Variants in ZNF521 observed in about 807,000 individuals in gnomAD.
ZNF521 encodes zinc finger protein 521.
ZNF521 carries 14 observed loss-of-function variants against 105.5 expected under a neutral mutation model. That is an observed-to-expected ratio of 0.13 (90% confidence interval 0.09 to 0.21). The LOEUF is 0.21. Among genes scored for constraint, ZNF521 ranks in the 10% least tolerant of loss-of-function variants. The pLI, the probability that ZNF521 is intolerant of heterozygous loss-of-function variation, is 1.00. For synonymous variants in ZNF521, 635 were observed against 606.0 expected, an observed-to-expected ratio of 1.05 and a Z score of -0.70; for missense variants, 1,233 against 1,629.7, an observed-to-expected ratio of 0.76 and a Z score of 4.19.
At chr18:25,272,281 T>C (rs762399332) in intron 3 of ZNF521, among the ~76,000 whole-genome samples, 7 of 152,270 alleles carry the variant, frequency 4.6e-5, no homozygotes, top group African/African-American at 1.2e-4. Context: ...GGAGAGGATG[T>C]AGAGAAATAG....
Position 25,073,209 on chromosome 18 carries a change from T to C in ZNF521, c.3907-10468A>G, listed in dbSNP as rs573138377. On this transcript the variant is annotated intron_variant, in intron 7 of 7. Coordinates refer to ENST00000361524, the MANE Select transcript of ZNF521 (RefSeq NM_015461.3). ...AACTTCTGCTAAATATTTAACAGCCTTGTGTACCAATTAGCAGCAAATAAT... is the reference window on the plus strand; with the variant it reads ...AACTTCTGCTAAATATTTAACAGCCCTGTGTACCAATTAGCAGCAAATAAT... Among the ~76,000 whole-genome samples, 190 of 152,202 alleles carry C rather than the reference T, an allele frequency of 1.2e-3. 1 individual carries two copies. The highest frequency in any genetic ancestry group is 6.9e-3 in the South Asian group (33 of 4,796).
At chr18:25,266,543 A>G (rs2144918264) in intron 3 of ZNF521, among the ~76,000 whole-genome samples, 1 of 152,264 alleles carries the variant, frequency 6.6e-6, no homozygotes, top group African/African-American at 2.4e-5. Flanking sequence ...TTTCCAACTG[A>G]GGTACCCAGT....
intron 3 of ZNF521, among the ~76,000 whole-genome samples, chr18:25,249,356 A>G (rs1907947703): frequency 6.6e-6 from 1 of 151,698 alleles, no homozygotes; most frequent in African/African-American, 2.4e-5. Flanking sequence ...ACAGGGTTTC[A>G]CTGTGTTAGC....
Position 25,116,946 on chromosome 18 carries a change from C to CAT in ZNF521, c.3659-24867_3659-24866dup, listed in dbSNP as rs1275791288. 5.8e-5 allele frequency among the ~76,000 whole-genome samples: 8 copies of CAT among 138,942 alleles called. 1 individual carries two copies. Among genetic ancestry groups the CAT allele is most frequent in the African/African-American group, 1.9e-4 (7 of 36,246 alleles). The allele number at this position is 138,942 out of a possible 152,430, so 91.2% of individuals were successfully genotyped here. A position where few individuals can be genotyped will look rare whatever the true frequency, so the allele number is the denominator to read the frequency against. ...ATGTATATATATACGTATATATACA[C>CAT]ATATATATGTATATATGTATATATA... On this transcript the variant is annotated intron_variant, in intron 5 of 7. Transcript: ENST00000361524.
At chr18:25,119,020 G>T (rs954765640) in intron 5 of ZNF521, among the ~76,000 whole-genome samples, 4 of 151,976 alleles carry the variant, frequency 2.6e-5, no homozygotes, top group Non-Finnish European at 5.9e-5. Flanking sequence ...GATAAAAAGA[G>T]ATATTTCATA....
At chr18:25,214,494 G>C (rs2036246570) in intron 4 of ZNF521, among the ~76,000 whole-genome samples, 1 of 152,032 alleles carries the variant, frequency 6.6e-6, no homozygotes, top group South Asian at 2.1e-4. Flanking sequence ...ATATCTCAGT[G>C]ATAGTATGCT....
chr18:25,076,372 G>A (rs189333156), intron 7 of ZNF521, among the ~76,000 whole-genome samples: 56 of 152,286 alleles, frequency 3.7e-4, no homozygotes, highest in African/African-American at 1.3e-3. Flanking sequence ...CAGGCTGACC[G>A]GAGACCAGTT....
intron 4 of ZNF521, among the ~76,000 whole-genome samples, chr18:25,206,200 G>A (rs1350509505): frequency 1.3e-5 from 2 of 152,008 alleles, no homozygotes; most frequent in Non-Finnish European, 2.9e-5. Flanking sequence ...TAGAGATGGG[G>A]TTTTGCTATG....
At chr18:25,135,279 CGTGTGTGTGTGTGTGTGT>C (rs35980671) in intron 5 of ZNF521, among the ~76,000 whole-genome samples, 2 of 146,114 alleles carry the variant, frequency 1.4e-5, no homozygotes, top group Admixed American at 1.4e-4. Flanking sequence ...TATATGTATA[CGTGTGTGTGTGTGTGTGT>C]GTGTGTGTGT....
intron 3 of ZNF521, among the ~76,000 whole-genome samples, chr18:25,258,095 T>C (rs765999049): frequency 4.6e-5 from 7 of 152,204 alleles, no homozygotes; most frequent in African/African-American, 7.2e-5. Context: ...GACAATTCTA[T>C]ACTACATTAT....
chr18:25,311,509 C>A (rs1458864677), intron 3 of ZNF521, among the ~76,000 whole-genome samples: 1 of 152,090 alleles, frequency 6.6e-6, no homozygotes, highest in Non-Finnish European at 1.5e-5. Context: ...AACATTGGTG[C>A]TTACAAGATA....
At chr18:25,191,147 A>G (rs2035811118) in intron 5 of ZNF521, among the ~76,000 whole-genome samples, 1 of 152,174 alleles carries the variant, frequency 6.6e-6, no homozygotes. Flanking sequence ...CTTAGACACA[A>G]TTTTGCCATT....
intron 2 of ZNF521, among the ~76,000 whole-genome samples, chr18:25,349,792 G>T (rs1054495405): frequency 6.7e-6 from 1 of 150,224 alleles, no homozygotes; most frequent in Non-Finnish European, 1.5e-5. Flanking sequence ...CAGCGGGCCC[G>T]GGCGGGCGCA....
chr18:25,321,967 G>A, intron 3 of ZNF521, 41 bp downstream of exon 3: 1 of 1,555,358 alleles, frequency 6.4e-7, no homozygotes, highest in Non-Finnish European at 8.7e-7. Flanking sequence ...ATCAGAAATA[G>A]AACAGTACAA....
At chr18:25,106,070 T>A (rs970392966) in intron 5 of ZNF521, among the ~76,000 whole-genome samples, 1 of 152,174 alleles carries the variant, frequency 6.6e-6, no homozygotes, top group African/African-American at 2.4e-5. Flanking sequence ...AAACTTGGCA[T>A]TAAAAAATCT....
At chr18:25,136,240 T>C (rs901029615) in intron 5 of ZNF521, among the ~76,000 whole-genome samples, 2 of 152,240 alleles carry the variant, frequency 1.3e-5, no homozygotes, top group African/African-American at 4.8e-5. Context: ...ATTATGTTCA[T>C]GCCAATTTGT....
chr18:25,128,498 A>G (rs996003133), intron 5 of ZNF521, among the ~76,000 whole-genome samples: 1 of 152,002 alleles, frequency 6.6e-6, no homozygotes, highest in African/African-American at 2.4e-5. Context: ...ACAGACTGGA[A>G]AAAAAGAAAT....
intron 5 of ZNF521, among the ~76,000 whole-genome samples, chr18:25,182,871 C>A (rs996845086): frequency 1.3e-5 from 2 of 152,056 alleles, no homozygotes; most frequent in Non-Finnish European, 2.9e-5. Context: ...ACCTTCAAAA[C>A]TAATTATACT....
intron 3 of ZNF521, among the ~76,000 whole-genome samples, chr18:25,291,107 A>AT (rs1910992086): frequency 6.6e-6 from 1 of 152,174 alleles, no homozygotes; most frequent in Non-Finnish European, 1.5e-5. Flanking sequence ...TCCAGTGCAG[A>AT]ATTCTACCAA....
Sources: gnomAD v4.1 joint callset for allele counts (sites outside exome capture counted in the v4.1 genomes callset) on GRCh38, gnomAD v4.1.1 for gene constraint, MANE v1.5 for transcripts, NCBI Gene and HGNC (gene_info 2026-07-23, HGNC 2026-07-21) for gene names.